IKZF3: variants seen among roughly 807,000 people sequenced by gnomAD.
IKZF3 encodes zinc finger protein Aiolos.
A neutral mutation model predicts 49.0 loss-of-function variants in IKZF3; 10 were observed. That is an observed-to-expected ratio of 0.20 (90% confidence interval 0.13 to 0.35). The LOEUF (loss-of-function observed/expected upper bound fraction) is 0.35, where lower values mean the gene tolerates loss of function less well. IKZF3 is among the 10% of genes least tolerant of loss of function. The pLI, the probability that IKZF3 is intolerant of heterozygous loss-of-function variation, is 1.00. For synonymous variants in IKZF3, 209 were observed against 228.2 expected (o/e 0.92, Z 0.76); for missense variants, 498 against 664.8 (o/e 0.75, Z 2.76).
intron 7 of IKZF3, among the ~76,000 whole-genome samples, 159 bp from the exon 8 acceptor site, chr17:39,766,652 G>A (rs2060300518): frequency 6.6e-6 from 1 of 152,204 alleles, no homozygotes; most frequent in African/African-American, 2.4e-5. Flanking sequence ...TGTCTCAGGG[G>A]ACACTGGTCG....
chr17:39,844,374 T>C (rs954317314), intron 1 of IKZF3, among the ~76,000 whole-genome samples: 4 of 152,244 alleles, frequency 2.6e-5, no homozygotes, highest in Admixed American at 1.3e-4. Context: ...AGGGAAAGCA[T>C]GCTCCTGCCT....
intron 1 of IKZF3, among the ~76,000 whole-genome samples, chr17:39,849,004 A>T (rs1175413133): frequency 6.6e-6 from 1 of 152,208 alleles, no homozygotes. Flanking sequence ...AGCAAGATAT[A>T]AGCAGCACTT....
At chr17:39,839,847 T>C (rs2062413568) in intron 1 of IKZF3, among the ~76,000 whole-genome samples, 1 of 151,596 alleles carries the variant, frequency 6.6e-6, no homozygotes, top group African/African-American at 2.4e-5. Context: ...TTCTGTAGAG[T>C]GGGGGTCTCG....
At chr17:39,811,318 GGAAAGAAA>G (rs71355418) in intron 3 of IKZF3, among the ~76,000 whole-genome samples, 3,572 of 132,642 alleles carry the variant, frequency 0.027, 62 homozygotes, top group Non-Finnish European at 0.039. Context: ...AAAGAGAGAA[GGAAAGAAA>G]GAAAGAAAGA....
At chr17:39,796,781 C>T (rs1451515764) in intron 3 of IKZF3, among the ~76,000 whole-genome samples, 1 of 150,110 alleles carries the variant, frequency 6.7e-6, no homozygotes, top group African/African-American at 2.4e-5. Flanking sequence ...CTCCTGACCT[C>T]GTGATCCACC....
intron 7 of IKZF3, among the ~76,000 whole-genome samples, chr17:39,775,297 CAGCACAGAG>C (rs1567965473): frequency 6.6e-6 from 1 of 152,022 alleles, no homozygotes; most frequent in East Asian, 1.9e-4. Context: ...TTTCTGATTC[CAGCACAGAG>C]AGAATGTGAT....
At chr17:39,816,999 C>T (rs2061693084) in intron 3 of IKZF3, among the ~76,000 whole-genome samples, 1 of 152,264 alleles carries the variant, frequency 6.6e-6, no homozygotes, top group Non-Finnish European at 1.5e-5. Context: ...CAGGCCTGAG[C>T]CACCATGCCT....
Position 39,807,974 on chromosome 17 carries a change from T to C in IKZF3, c.164-15041A>G, listed in dbSNP as rs573635620. Among the ~76,000 whole-genome samples the C allele has an allele frequency of 1.3e-3, 193 of 152,242 alleles. 1 individual carries two copies. Among genetic ancestry groups the C allele is most frequent in the Middle Eastern group, 3.4e-3 (1 of 294 alleles). The stretch of plus-strand genomic sequence containing the variant: ...GTGGTAGTTGTACAGCTCTGTAAAT[T>C]TACTAGAAAAGTCATTGAATTGAAC... On this transcript the variant is annotated intron_variant, in intron 3 of 7. Transcript: ENST00000346872.
intron 3 of IKZF3, among the ~76,000 whole-genome samples, chr17:39,815,168 A>G (rs1422786050): frequency 6.6e-6 from 1 of 152,238 alleles, no homozygotes; most frequent in Non-Finnish European, 1.5e-5. Context: ...ATACATGCTC[A>G]TGACAGAACC....
chr17:39,783,686 T>C (rs1189490871), intron 6 of IKZF3, among the ~76,000 whole-genome samples: 1 of 152,180 alleles, frequency 6.6e-6, no homozygotes, highest in African/African-American at 2.4e-5. Flanking sequence ...ATCACAATAA[T>C]TTGGGAGGCC....
At chr17:39,830,499 T>C (rs2062080686) in intron 2 of IKZF3, among the ~76,000 whole-genome samples, 1 of 152,100 alleles carries the variant, frequency 6.6e-6, no homozygotes, top group African/African-American at 2.4e-5. Context: ...GCAGACATAA[T>C]AAAGACATGC....
chr17:39,816,727 T>C (rs2061684889), intron 3 of IKZF3, among the ~76,000 whole-genome samples: 1 of 152,248 alleles, frequency 6.6e-6, no homozygotes, highest in Non-Finnish European at 1.5e-5. Flanking sequence ...TGTTTTGTTT[T>C]TGTTTTTTTG....
At chr17:39,803,834 G>A (rs2061376919) in intron 3 of IKZF3, among the ~76,000 whole-genome samples, 1 of 152,056 alleles carries the variant, frequency 6.6e-6, no homozygotes, top group Non-Finnish European at 1.5e-5. Flanking sequence ...TTTAAAAACA[G>A]GAATGAAAAA....
Position 39,779,646 on chromosome 17 carries a change from G to GTTTTTTT in IKZF3, c.710-1880_710-1879insAAAAAAA, listed in dbSNP as rs138812490. On this transcript the variant is annotated intron_variant, in intron 6 of 7. Coordinates refer to ENST00000346872, the MANE Select transcript of IKZF3 (RefSeq NM_012481.5). ...ATATAGTCTCTATGTTATATTCTTT[G>GTTTTTTT]TTTTTTGTTTTTTTTTTTTCTGTTC... Among the ~76,000 whole-genome samples, 434 of 116,748 alleles carry GTTTTTTT rather than the reference G, an allele frequency of 3.7e-3. 9 individuals carry two copies. The highest frequency in any genetic ancestry group is 6.3e-3 in the East Asian group (27 of 4,298). The allele number at this position is 116,748 out of a possible 152,430, so 76.6% of individuals were successfully genotyped here.
chr17:39,815,571 A>G (rs1289127533), intron 3 of IKZF3, among the ~76,000 whole-genome samples: 1 of 152,208 alleles, frequency 6.6e-6, no homozygotes, highest in Non-Finnish European at 1.5e-5. Context: ...TGCTTTTGAC[A>G]TCACAGTATC....
chr17:39,774,180 T>G (rs2060517002), intron 7 of IKZF3, among the ~76,000 whole-genome samples: 1 of 152,140 alleles, frequency 6.6e-6, no homozygotes, highest in Admixed American at 6.5e-5. Context: ...ATTTTCACCT[T>G]TACCCTCACA....
chr17:39,800,509 A>G (rs2061290732), intron 3 of IKZF3, among the ~76,000 whole-genome samples: 1 of 152,248 alleles, frequency 6.6e-6, no homozygotes, highest in Admixed American at 6.5e-5. Flanking sequence ...ATACATTCCC[A>G]GAGGCAGGGA....
intron 1 of IKZF3, 52 bp from the exon 2 acceptor site, chr17:39,832,203 G>A: frequency 2.2e-6 from 3 of 1,364,906 alleles, no homozygotes; most frequent in Non-Finnish European, 3.1e-6. Context: ...ATTTCTACAG[G>A]TTTGAGCATT....
intron 1 of IKZF3, among the ~76,000 whole-genome samples, chr17:39,851,661 G>A (rs1391480604): frequency 6.6e-6 from 1 of 152,048 alleles, no homozygotes; most frequent in Non-Finnish European, 1.5e-5. Flanking sequence ...GGCAAAGGGG[G>A]AAATTAACAA....
Sources: gnomAD v4.1 joint callset for allele counts (sites outside exome capture counted in the v4.1 genomes callset) on GRCh38, gnomAD v4.1.1 for gene constraint, MANE v1.5 for transcripts, NCBI Gene and HGNC (gene_info 2026-07-23, HGNC 2026-07-21) for gene names.